ARHGAP8: variants seen among roughly 807,000 people sequenced by gnomAD.
ARHGAP8 encodes Rho GTPase activating protein 8, also known as rho GTPase-activating protein 8.
In ARHGAP8, 62 loss-of-function variants were observed where a neutral mutation model predicts 46.1. That is an observed-to-expected ratio of 1.34 (90% CI 1.10 to 1.66). ARHGAP8 has a LOEUF of 1.66. ARHGAP8 is among the 40% of genes most tolerant of loss of function. The pLI is 0.00. For missense variants in ARHGAP8, 923 were observed against 568.4 expected (o/e 1.62, Z -6.34); for synonymous variants, 375 against 243.1 (o/e 1.54, Z -5.05).
intron 7 of ARHGAP8, among the ~76,000 whole-genome samples, chr22:44,825,806 T>G (rs1160085924): frequency 1.0e-5 from 1 of 98,314 alleles, no homozygotes; most frequent in Non-Finnish European, 2.0e-5. Context: ...GGTGCCTGGT[T>G]GGGGGGCGCA....
At chr22:44,821,775 C>T (rs1038785468) in intron 5 of ARHGAP8, among the ~76,000 whole-genome samples, 1 of 152,234 alleles carries the variant, frequency 6.6e-6, no homozygotes, top group Admixed American at 6.5e-5. Flanking sequence ...GAGTGAATTG[C>T]CCTGGGGCAC....
intron 1 of ARHGAP8, among the ~76,000 whole-genome samples, chr22:44,764,889 G>A (rs1233368794): frequency 6.6e-6 from 1 of 152,240 alleles, no homozygotes; most frequent in African/African-American, 2.4e-5. Context: ...GGCTCCCGGG[G>A]CTCACCCTGG....
chr22:44,776,765 A>T (rs946266279), intron 1 of ARHGAP8, among the ~76,000 whole-genome samples: 1 of 152,086 alleles, frequency 6.6e-6, no homozygotes, highest in African/African-American at 2.4e-5. Context: ...GAGCAGAATT[A>T]ATGGCGCTGC....
intron 10 of ARHGAP8, among the ~76,000 whole-genome samples, chr22:44,851,850 G>C (rs2070102098): frequency 6.6e-6 from 1 of 151,700 alleles, no homozygotes; most frequent in African/African-American, 2.4e-5. Flanking sequence ...AAAACAGAAG[G>C]AATGATGGAG....
At chr22:44,825,733 C>G in intron 7 of ARHGAP8, 140 bp downstream of exon 7, 4 of 1,078,754 alleles carry the variant, frequency 3.7e-6, no homozygotes, top group Non-Finnish European at 5.2e-6. Context: ...AAAGCCTGAG[C>G]TCATCACTGA....
At chr22:44,774,896 T>C (rs894521205) in intron 1 of ARHGAP8, among the ~76,000 whole-genome samples, 8 of 151,854 alleles carry the variant, frequency 5.3e-5, no homozygotes, top group Admixed American at 1.3e-4. Context: ...AGTGGAGCAA[T>C]CGTGGCTCAC....
At chr22:44,757,805 A>ATTTTTTTT (rs132444) in intron 1 of ARHGAP8, among the ~76,000 whole-genome samples, 3 of 137,008 alleles carry the variant, frequency 2.2e-5, no homozygotes. Context: ...TGCCTGGCTA[A>ATTTTTTTT]TTTTTTTTTT....
chr22:44,826,477 T>G (rs1224014806), intron 7 of ARHGAP8, among the ~76,000 whole-genome samples: 1 of 152,162 alleles, frequency 6.6e-6, no homozygotes, highest in East Asian at 1.9e-4. Flanking sequence ...CAGGCAGGAG[T>G]GCAGTGGCAC....
chr22:44,813,372 CACAT>C (rs1396905245), intron 4 of ARHGAP8, among the ~76,000 whole-genome samples: 1 of 147,784 alleles, frequency 6.8e-6, no homozygotes, highest in African/African-American at 2.6e-5. Flanking sequence ...CCTACATACA[CACAT>C]ACCCACCTAC....
At position 44,862,387 on chromosome 22, in the gene ARHGAP8, C is replaced by G; in HGVS notation, c.1094C>G (p.Pro365Arg). The G allele has an allele frequency of 2.5e-6, 4 of 1,614,150 alleles. No individual in the cohort carries two copies. The South Asian group carries it at 4.4e-5, about 18-fold the overall frequency. ...QGVSSLSALV[P>R]LNMFTELLIE... ...GTCTCCTCCCTGAGTGCCCTTGTGC[C>G]CCTGAACATGTTCACTGAACTGCTG... Residue 365 changes from proline (P) to arginine (R), a missense_variant, in exon 12 of 12, where the codon CCC becomes CGC. Pro to Arg is a moderately radical substitution (Grantham distance 103). Coordinates refer to ENST00000356099, the MANE Select transcript of ARHGAP8 (RefSeq NM_181335.3).
At chr22:44,840,569 A>G (rs1027791375) in intron 7 of ARHGAP8, among the ~76,000 whole-genome samples, 2 of 152,206 alleles carry the variant, frequency 1.3e-5, no homozygotes, top group South Asian at 4.1e-4. Context: ...TTTACTTCTC[A>G]TAGAGCTGGA....
intron 5 of ARHGAP8, among the ~76,000 whole-genome samples, chr22:44,815,133 C>T (rs1929643417): frequency 6.6e-6 from 1 of 152,210 alleles, no homozygotes; most frequent in Non-Finnish European, 1.5e-5. Context: ...TTTAAGTCAG[C>T]AAAGGTAAAA....
At chr22:44,849,230 C>T (rs2070036600) in intron 10 of ARHGAP8, 170 bp downstream of exon 10, 1 of 1,244,034 alleles carries the variant, frequency 8.0e-7, no homozygotes, top group African/African-American at 1.5e-5. Flanking sequence ...GCTGCCCCCA[C>T]CATGCACAGC....
At chr22:44,858,320 C>G (rs984391029) in intron 10 of ARHGAP8, among the ~76,000 whole-genome samples, 4 of 151,250 alleles carry the variant, frequency 2.6e-5, no homozygotes, top group African/African-American at 9.7e-5. Flanking sequence ...TACATGTTCA[C>G]ACATGCACCC....
In ARHGAP8 at chr22:44,849,037, ACG is replaced by A; in HGVS notation, c.855_856del (p.Tyr285Ter). 1 of 1,613,982 alleles carries A rather than the reference ACG, an allele frequency of 6.2e-7. No homozygotes were observed. The highest frequency in any genetic ancestry group is 8.5e-7 in the Non-Finnish European group (1 of 1,179,938). On this transcript the variant is annotated stop_gained and frameshift_variant, in exon 10 of 12. Coordinates refer to ENST00000356099, the MANE Select transcript of ARHGAP8 (RefSeq NM_181335.3). LOFTEE classifies it high-confidence loss of function. ...CAGCCGCTTCTGACCTTCCAGGCCT[ACG>A]AGCAGATTCTCGGGATCACCTGTGC...
At chr22:44,781,359 C>T (rs899062080) in intron 1 of ARHGAP8, among the ~76,000 whole-genome samples, 2 of 152,074 alleles carry the variant, frequency 1.3e-5, no homozygotes, top group African/African-American at 2.4e-5. Context: ...GGCAGCGTGA[C>T]GGTAATGCAG....
intron 4 of ARHGAP8, among the ~76,000 whole-genome samples, chr22:44,810,236 C>CTTTTTT (rs58029838): frequency 4.0e-5 from 4 of 98,870 alleles, no homozygotes; most frequent in African/African-American, 1.6e-4. Flanking sequence ...ATATGGCAGC[C>CTTTTTT]TTTTTTTTTT....
At chr22:44,809,333 G>C (rs1320078049) in intron 4 of ARHGAP8, 2 of 391,916 alleles carry the variant, frequency 5.1e-6, no homozygotes, top group Non-Finnish European at 1.0e-5. Flanking sequence ...CTTGCAGCCT[G>C]TACCAAAGCA....
At chr22:44,753,642 C>A (rs1033858400) in intron 1 of ARHGAP8, among the ~76,000 whole-genome samples, 4 of 152,082 alleles carry the variant, frequency 2.6e-5, no homozygotes, top group Non-Finnish European at 5.9e-5. Context: ...GAGAATCCCT[C>A]GGGCTCTGCC....
Sources: gnomAD v4.1 joint callset for allele counts (sites outside exome capture counted in the v4.1 genomes callset) on GRCh38, gnomAD v4.1.1 for gene constraint, MANE v1.5 for transcripts, NCBI Gene and HGNC (gene_info 2026-07-23, HGNC 2026-07-21) for gene names.